The following RGS3 variants were observed in gnomAD, a reference collection of about 807,000 sequenced individuals.
RGS3 encodes regulator of G-protein signalling 3.
Under a neutral mutation model 132.6 loss-of-function variants are expected in RGS3, and 80 were observed. That is an observed-to-expected ratio of 0.60 (90% confidence interval 0.50 to 0.73). The LOEUF is 0.73. RGS3 is among the 30% of genes least tolerant of loss of function. The probability of loss-of-function intolerance (pLI) is 0.00; values close to 1 mark genes in which losing one functional copy is unlikely to be tolerated. For synonymous variants in RGS3, 598 were observed against 620.6 expected (o/e 0.96, Z 0.54); for missense variants, 1,382 against 1,530.8 (o/e 0.90, Z 1.62).
chr9:113,484,356 CA>C (rs1588149465), intron 6 of RGS3, 124 bp downstream of exon 4: 9 of 438,710 alleles, frequency 2.1e-5, no homozygotes, highest in African/African-American at 3.0e-5. Context: ...AAAACCAAAA[CA>C]AAAAAAACCA....
intron 7 of RGS3, among the ~76,000 whole-genome samples, chr9:113,491,762 C>G (rs1285245047): frequency 6.6e-6 from 1 of 152,170 alleles, no homozygotes; most frequent in Non-Finnish European, 1.5e-5. Context: ...CCATGTTGGC[C>G]AGACTGATCT....
At chr9:113,471,532 A>C (rs1383867612) in intron 3 of RGS3, among the ~76,000 whole-genome samples, 1 of 152,030 alleles carries the variant, frequency 6.6e-6, no homozygotes, top group Non-Finnish European at 1.5e-5. Flanking sequence ...CAGAAATGGA[A>C]GTCCCCTACA....
rs1292677861 is a variant in RGS3 at position 113,537,565 on chromosome 9, A to G, written c.2037+647A>G. ...CTTTGACACTCCGATGCCAGCCACA[A>G]AGTACAGTTATATTACCCCATTTGT... On this transcript the variant is annotated intron_variant, in intron 19 of 24. Coordinates refer to ENST00000350696, the Ensembl canonical transcript of RGS3. The surrounding 1 kb of genome is among the most constrained non-coding windows in gnomAD (Gnocchi z 4.3). 6.6e-6 allele frequency among the ~76,000 whole-genome samples: 1 copy of G among 152,180 alleles called. No individual in the cohort carries two copies. The highest frequency in any genetic ancestry group is 1.5e-5 in the Non-Finnish European group (1 of 68,044).
At chr9:113,559,455 G>T (rs1258438512) in intron 19 of RGS3, among the ~76,000 whole-genome samples, 2 of 152,236 alleles carry the variant, frequency 1.3e-5, no homozygotes, top group African/African-American at 4.8e-5. Context: ...CCAGCAGCAG[G>T]CCTCTGGGCT....
chr9:113,560,550 G>A (rs1214981357), intron 19 of RGS3, among the ~76,000 whole-genome samples: 1 of 152,202 alleles, frequency 6.6e-6, no homozygotes, highest in Non-Finnish European at 1.5e-5. Flanking sequence ...TCCCATGGGC[G>A]GGCTGCTCCG....
intron 1 of RGS3, among the ~76,000 whole-genome samples, chr9:113,448,318 T>C (rs1829159395): frequency 6.6e-6 from 1 of 152,126 alleles, no homozygotes; most frequent in Non-Finnish European, 1.5e-5. Context: ...ACCTGGCTTC[T>C]CTCCCCCCAG....
At chr9:113,450,236 T>A (rs925807095) in intron 1 of RGS3, among the ~76,000 whole-genome samples, 84 of 151,308 alleles carry the variant, frequency 5.6e-4, no homozygotes, top group Non-Finnish European at 9.4e-4. Context: ...GCCAGCTAAA[T>A]TTTTTTTTGT....
intron 7 of RGS3, among the ~76,000 whole-genome samples, chr9:113,493,686 G>A (rs1373924946): frequency 6.6e-6 from 1 of 152,140 alleles, no homozygotes; most frequent in Non-Finnish European, 1.5e-5. Context: ...ACTGGGGCAG[G>A]CATAAGTGGG....
upstream of RGS3, chr9:113,460,129 G>T: frequency 1.3e-6 from 1 of 777,252 alleles, no homozygotes; most frequent in Non-Finnish European, 1.7e-6. Context: ...TTTGCCAGAG[G>T]TCTATTTTAC....
Position 113,489,232 on chromosome 9 carries a change from C to A in RGS3, c.689+3539C>A, listed in dbSNP as rs1031338485. ...ACATTAAGCACATGGCACTCGTTCT[C>A]CAATTTAACCCTCACAACAACATAA... On this transcript the variant is annotated intron_variant, in intron 7 of 24. Transcript: ENST00000350696. Among the ~76,000 whole-genome samples the A allele has an allele frequency of 2.0e-5, 3 of 152,148 alleles. No individual in the cohort carries two copies. The South Asian group carries it at 6.2e-4, about 32-fold the overall frequency.
At chr9:113,497,344 G>A (rs762922903) in exon 9 of RGS3, 3 of 1,613,762 alleles carry the variant, frequency 1.9e-6, no homozygotes, top group Non-Finnish European at 8.5e-7. Flanking sequence ...CCTCCTAGGG[G>A]AGCACCTGGG....
At chr9:113,568,768 T>A (rs1392076059) in intron 19 of RGS3, among the ~76,000 whole-genome samples, 1 of 152,236 alleles carries the variant, frequency 6.6e-6, no homozygotes, top group Non-Finnish European at 1.5e-5. Context: ...CTCAGCCCCC[T>A]AAGCCTGGAG....
intron 10 of RGS3, among the ~76,000 whole-genome samples, chr9:113,500,557 T>C (rs1410146587): frequency 6.6e-6 from 1 of 152,192 alleles, no homozygotes; most frequent in Non-Finnish European, 1.5e-5. Context: ...TCAGTTTGTT[T>C]GTCAGTAAGA....
intron 4 of RGS3, among the ~76,000 whole-genome samples, chr9:113,482,061 C>A (rs1225154717): frequency 8.9e-5 from 13 of 145,594 alleles, no homozygotes; most frequent in African/African-American, 1.8e-4. Context: ...AAAAAAAAAA[C>A]AAAAAAAACA....
Position 113,554,123 on chromosome 9 carries a change from A to G in RGS3, c.2037+17205A>G, listed in dbSNP as rs574552570. ...TATCCTATTTTATAGTTGAGAAACC[A>G]AAGGAACAGAGGTTAAGTACATGTA... On this transcript the variant is annotated intron_variant, in intron 19 of 24. Coordinates refer to ENST00000350696, the Ensembl canonical transcript of RGS3. Among the ~76,000 whole-genome samples the G allele has an allele frequency of 6.6e-5, 10 of 152,350 alleles. No individual in the cohort carries two copies. The South Asian group carries it at 2.1e-3, about 32-fold the overall frequency.
intron 19 of RGS3, among the ~76,000 whole-genome samples, chr9:113,554,203 A>G (rs1206271538): frequency 6.6e-6 from 1 of 152,262 alleles, no homozygotes; most frequent in Non-Finnish European, 1.5e-5. Flanking sequence ...TACACCCTGC[A>G]TAAAATGGAA....
chr9:113,526,180 G>T (rs561362250), intron 17 of RGS3, among the ~76,000 whole-genome samples: 102 of 152,342 alleles, frequency 6.7e-4, no homozygotes, highest in Middle Eastern at 6.8e-3. Context: ...CTCAGAAGTG[G>T]CCTGGAAATG....
intron 8 of RGS3, 79 bp from the exon 7 acceptor site, chr9:113,497,235 T>G: frequency 2.6e-6 from 3 of 1,167,476 alleles, no homozygotes; most frequent in East Asian, 2.4e-5. Context: ...AGTGGCTACT[T>G]TTGGAGGGGG....
At position 113,523,055 on chromosome 9, in the gene RGS3, G is replaced by A. The variant is rs779499584; in HGVS notation, c.1870+14G>A. 2.8e-5 allele frequency: 44 copies of A among 1,545,998 alleles called. No homozygotes were observed. In the South Asian group the frequency reaches 3.3e-4, roughly 12 times the overall value. Reference sequence around the variant, plus strand: ...AGCTGCAGGAAGGTAAGCAGATGCCGTAGGTGCCCAGAGCCCCTCTCAACT... The same window carrying A: ...AGCTGCAGGAAGGTAAGCAGATGCCATAGGTGCCCAGAGCCCCTCTCAACT... On this transcript the variant is annotated intron_variant, in intron 17 of 24. Transcript: ENST00000350696.
Sources: allele counts gnomAD v4.1 joint callset (sites outside exome capture counted in the v4.1 genomes callset), GRCh38; gene constraint gnomAD v4.1.1; non-coding constraint Gnocchi (gnomAD v3.1); transcripts MANE v1.5; gene names NCBI Gene and HGNC (gene_info 2026-07-23, HGNC 2026-07-21).